The following YIPF7 variants were observed in gnomAD, a reference collection of about 807,000 sequenced individuals.
The protein encoded by YIPF7 is Yip1 domain family member 7.
Under a neutral mutation model 27.2 loss-of-function variants are expected in YIPF7, and 35 were observed. The ratio of observed to expected loss-of-function variants is 1.29; its 90% CI spans 0.98 to 1.70. YIPF7 has a LOEUF of 1.70. Ranked by LOEUF, YIPF7 falls within the 40% of genes most tolerant of loss-of-function variation. YIPF7 has a pLI of 0.00. For missense variants in YIPF7, 358 were observed against 303.7 expected, an observed-to-expected ratio of 1.18 and a Z score of -1.33; for synonymous variants, 137 against 110.4, an observed-to-expected ratio of 1.24 and a Z score of -1.51.
chr4:44,652,011 T>C (rs1244249828), upstream of YIPF7, among the ~76,000 whole-genome samples: 1 of 152,020 alleles, frequency 6.6e-6, no homozygotes, highest in African/African-American at 2.4e-5. Context: ...TGAAAATGAG[T>C]TGTGGTCAAT....
intron 3 of YIPF7, among the ~76,000 whole-genome samples, chr4:44,635,324 C>T (rs529628745): frequency 6.6e-6 from 1 of 152,138 alleles, no homozygotes; most frequent in African/African-American, 2.4e-5. Context: ...ACTCCGAAAT[C>T]CCCTAAGTAC....
At chr4:44,642,619 G>T (rs1432898312) in intron 2 of YIPF7, among the ~76,000 whole-genome samples, 1 of 152,070 alleles carries the variant, frequency 6.6e-6, no homozygotes, top group Admixed American at 6.6e-5. Flanking sequence ...CTGGAGGTGG[G>T]GCCTAGTGGG....
chr4:44,628,214 T>C (rs989819517), intron 4 of YIPF7, among the ~76,000 whole-genome samples: 1 of 152,142 alleles, frequency 6.6e-6, no homozygotes, highest in African/African-American at 2.4e-5. Context: ...ACAGAGTATT[T>C]GCATTTGCTG....
At chr4:44,625,783 A>G (rs995652902) in intron 4 of YIPF7, among the ~76,000 whole-genome samples, 3 of 152,336 alleles carry the variant, frequency 2.0e-5, no homozygotes, top group Middle Eastern at 3.4e-3. Context: ...ACTTCAGAAG[A>G]GGATATTTTA....
At chr4:44,642,344 T>C in intron 2 of YIPF7, among the ~76,000 whole-genome samples, 1 of 152,176 alleles carries the variant, frequency 6.6e-6, no homozygotes, top group East Asian at 1.9e-4. Flanking sequence ...TTAAAATTTG[T>C]CCCATAAAGG....
In YIPF7 at chr4:44,636,053, G is replaced by C; in HGVS notation, c.149C>G (p.Ser50Cys). Residue 50 changes from serine (S) to cysteine (C), a missense_variant, in exon 3 of 6, where the codon TCC becomes TGC. Ser to Cys is a moderately radical substitution (Grantham distance 112). Coordinates refer to ENST00000415895, the MANE Select transcript of YIPF7 (RefSeq NM_182592.3). Reference sequence around the variant, plus strand: ...CATGAGCATCTCTGATGGAACAAAGGAGGCAGGCTGAGGCTGCTCACCAGC... The same window carrying C: ...CATGAGCATCTCTGATGGAACAAAGCAGGCAGGCTGAGGCTGCTCACCAGC... Reference protein sequence around the residue: ...QQAGEQPQPASFVPSEMLMSS... With the variant: ...QQAGEQPQPACFVPSEMLMSS... 5.0e-6 allele frequency: 8 copies of C among 1,612,366 alleles called. No individual in the cohort carries two copies. The highest frequency in any genetic ancestry group is 6.8e-6 in the Non-Finnish European group (8 of 1,178,946).
chr4:44,635,217 C>T (rs1376012140), intron 3 of YIPF7, among the ~76,000 whole-genome samples: 1 of 151,994 alleles, frequency 6.6e-6, no homozygotes, highest in Non-Finnish European at 1.5e-5. Context: ...AGCGTCTTAA[C>T]GCCTATGTTT....
Position 44,629,150 on chromosome 4 carries a change from A to G in YIPF7, c.426+253T>C, listed in dbSNP as rs1272183208. The G allele has an allele frequency of 9.3e-6, 3 of 321,390 alleles. No individual in the cohort carries two copies. In the East Asian group the frequency reaches 1.6e-4, roughly 17 times the overall value. The allele number at this position is 321,390 out of a possible 1,614,324, so 19.9% of individuals were successfully genotyped here. A position where few individuals can be genotyped will look rare whatever the true frequency, so the allele number is the denominator to read the frequency against. On this transcript the variant is annotated intron_variant, in intron 4 of 5. Transcript: ENST00000415895. ...CCAGATTTACAGTCTTTTCTTAATA[A>G]CAAAAAAGACATAAATGATCTCCTG...
At chr4:44,624,028 C>T (rs1452541067) in intron 5 of YIPF7, among the ~76,000 whole-genome samples, 3 of 150,816 alleles carry the variant, frequency 2.0e-5, no homozygotes, top group East Asian at 3.9e-4. Context: ...AATCTGACAA[C>T]TTAAAAAGTG....
Position 44,622,118 on chromosome 4 carries a change from A to G in YIPF7, c.*296T>C, listed in dbSNP as rs1712463090. On this transcript the variant is annotated 3_prime_UTR_variant, in exon 6 of 6. Transcript: ENST00000415895. ...TTTTAGTAAACATATGAGTTTATTT[A>G]CTTACTTTTCTCAGAAATACCTCTA... 3.5e-6 allele frequency: 1 copy of G among 289,282 alleles called. No homozygotes were observed. The highest frequency in any genetic ancestry group is 7.9e-5 in the East Asian group (1 of 12,622). 17.9% of individuals were successfully genotyped at this position (289,282 alleles called of 1,614,324 possible).
intron 2 of YIPF7, among the ~76,000 whole-genome samples, chr4:44,640,239 G>A (rs975175560): frequency 1.3e-5 from 2 of 152,074 alleles, no homozygotes; most frequent in African/African-American, 4.8e-5. Context: ...CTGAATTTTT[G>A]GGAACAGTTT....
chr4:44,655,322 G>A (rs951209933), upstream of YIPF7, among the ~76,000 whole-genome samples: 3 of 152,014 alleles, frequency 2.0e-5, no homozygotes, highest in Non-Finnish European at 4.4e-5. Context: ...GAGACTCAGA[G>A]AAGCAAATTG....
At position 44,629,565 on chromosome 4, in the gene YIPF7, A is replaced by AG; in HGVS notation, c.281-18dup. ...TTCCAAGTTCTGTAAAAAGGAAAAA[A>AG]GATAAATAATATGATAACATAAATA... On this transcript the variant is annotated splice_polypyrimidine_tract_variant and intron_variant, in intron 3 of 5. Transcript: ENST00000415895. The AG allele has an allele frequency of 6.6e-7, 1 of 1,504,420 alleles. No individual in the cohort carries two copies. Among genetic ancestry groups the AG allele is most frequent in the Non-Finnish European group, 8.9e-7 (1 of 1,122,484 alleles). The allele number at this position is 1,504,420 out of a possible 1,614,324, so 93.2% of individuals were successfully genotyped here. A position where few individuals can be genotyped will look rare whatever the true frequency, so the allele number is the denominator to read the frequency against.
chr4:44,636,412 TCA>T (rs1713124042), intron 2 of YIPF7, among the ~76,000 whole-genome samples: 3 of 152,140 alleles, frequency 2.0e-5, no homozygotes, highest in African/African-American at 7.2e-5. Flanking sequence ...ACATAGAATT[TCA>T]CAGAGACTAA....
intron 1 of YIPF7, among the ~76,000 whole-genome samples, chr4:44,650,501 G>A (rs1051146480): frequency 1.7e-4 from 11 of 63,564 alleles, no homozygotes; most frequent in Admixed American, 1.7e-3. Context: ...ACATGCGCGC[G>A]CGCGCGCACA....
At position 44,622,462 on chromosome 4, in the gene YIPF7, G is replaced by T. The variant is rs1224210260; in HGVS notation, c.723C>A (p.Tyr241Ter). 6.2e-7 allele frequency: 1 copy of T among 1,613,812 alleles called. No homozygotes were observed. The highest frequency in any genetic ancestry group is 1.7e-5 in the Admixed American group (1 of 60,012). ...AAAGTCCATAAAGTATGGCACAAGGGTAGGCAACAAGAAGCTGCTGTCCTT... is the reference window on the plus strand; with the variant it reads ...AAAGTCCATAAAGTATGGCACAAGGTTAGGCAACAAGAAGCTGCTGTCCTT... ...HMEGQQLLVA[Y>*]PCAILYGLFA... is the part of the protein sequence containing the mutation. The change falls in exon 6 of 6, where the codon TAC becomes TAA. Residue 241 changes from tyrosine (Y) to a stop codon, truncating the protein, a stop_gained. Coordinates refer to ENST00000415895, the MANE Select transcript of YIPF7 (RefSeq NM_182592.3). LOFTEE classifies it high-confidence loss of function.
At chr4:44,648,376 G>T (rs938203188) in intron 2 of YIPF7, among the ~76,000 whole-genome samples, 7 of 151,994 alleles carry the variant, frequency 4.6e-5, no homozygotes, top group African/African-American at 1.7e-4. Flanking sequence ...TTGGATTTGG[G>T]GACATTTCAG....
At chr4:44,625,628 C>T (rs780575308) in intron 4 of YIPF7, among the ~76,000 whole-genome samples, 22 of 152,050 alleles carry the variant, frequency 1.4e-4, no homozygotes, top group Non-Finnish European at 2.6e-4. Context: ...TAGTAGTGTT[C>T]GGAGTACACT....
chr4:44,642,670 A>G (rs12646633), intron 2 of YIPF7, among the ~76,000 whole-genome samples: 33,472 of 151,986 alleles, frequency 0.22, 3,875 homozygotes, highest in Middle Eastern at 0.36. Context: ...TGAATGGTTT[A>G]CCACCATCCC....
Sources: allele counts gnomAD v4.1 joint callset (sites outside exome capture counted in the v4.1 genomes callset), GRCh38; gene constraint gnomAD v4.1.1; transcripts MANE v1.5; gene names NCBI Gene and HGNC (gene_info 2026-07-23, HGNC 2026-07-21).